Variants in RBFOX1 observed in about 807,000 individuals in gnomAD.
RBFOX1 encodes the protein RNA binding fox-1 homolog 1.
Under a neutral mutation model 57.7 loss-of-function variants are expected in RBFOX1, and 8 were observed. That is an observed-to-expected ratio of 0.14 (90% CI 0.08 to 0.25). RBFOX1 has a LOEUF of 0.25. Ranked by LOEUF, RBFOX1 falls within the 10% of genes least tolerant of loss-of-function variation. RBFOX1 has a pLI of 1.00. For missense variants in RBFOX1, 611 were observed against 548.5 expected, an observed-to-expected ratio of 1.11 and a Z score of -1.14; for synonymous variants, 326 against 222.4, an observed-to-expected ratio of 1.47 and a Z score of -4.15.
Position 6,450,859 on chromosome 16 carries a change from A to G in RBFOX1, c.-64+133802A>G, listed in dbSNP as rs1387768843. Among the ~76,000 whole-genome samples the G allele has an allele frequency of 3.6e-4, 32 of 89,626 alleles. 3 individuals are homozygous for G. The highest frequency in any genetic ancestry group is 6.2e-4 in the Non-Finnish European group (28 of 45,346). 58.8% of individuals were successfully genotyped at this position (89,626 alleles called of 152,430 possible). ...TATGTGTATATATATATATATATAT[A>G]TATATATATATATATCTCCTCTGAA... is the stretch of plus-strand genomic sequence containing the variant. On this transcript the variant is annotated intron_variant, in intron 2 of 15. Coordinates refer to ENST00000550418, the MANE Select transcript of RBFOX1 (RefSeq NM_018723.4).
Position 7,503,594 on chromosome 16 carries a change from C to G in RBFOX1, c.28-14553C>G, listed in dbSNP as rs138674190. 8.2e-3 allele frequency among the ~76,000 whole-genome samples: 1,249 copies of G among 152,252 alleles called. 6 individuals carry two copies. The highest frequency in any genetic ancestry group is 0.014 in the Admixed American group (209 of 15,294). ...ATGTGAATTTGACACTGATGTTACT[C>G]TGGTGGTAGTAGCAAGAACTTTTCC... On this transcript the variant is annotated intron_variant, in intron 4 of 15. Transcript: ENST00000550418.
intron 4 of RBFOX1, among the ~76,000 whole-genome samples, chr16:5,964,707 C>T (rs753806357): frequency 2.0e-5 from 3 of 151,556 alleles, no homozygotes; most frequent in Admixed American, 6.6e-5. Flanking sequence ...GTACATATAA[C>T]ATATACACTT....
chr16:5,329,234 A>G (rs2064675167), intron 1 of RBFOX1, among the ~76,000 whole-genome samples: 1 of 152,190 alleles, frequency 6.6e-6, no homozygotes, highest in Non-Finnish European at 1.5e-5. Flanking sequence ...TTATTAAGAA[A>G]AGAGGTTTAA....
intron 1 of RBFOX1, among the ~76,000 whole-genome samples, chr16:6,188,736 G>T (rs373852023): frequency 2.0e-4 from 31 of 152,196 alleles, no homozygotes; most frequent in Non-Finnish European, 4.3e-4. Flanking sequence ...ATGGAACACA[G>T]TAAATGGGCA....
chr16:6,762,771 G>C (rs184954464), intron 3 of RBFOX1, among the ~76,000 whole-genome samples: 36 of 152,244 alleles, frequency 2.4e-4, no homozygotes, highest in African/African-American at 8.4e-4. Context: ...AGGGGATAGG[G>C]GGTAGTCAGG....
chr16:5,409,673 G>T (rs954668067), intron 1 of RBFOX1, among the ~76,000 whole-genome samples: 1 of 152,164 alleles, frequency 6.6e-6, no homozygotes, highest in Non-Finnish European at 1.5e-5. Context: ...ATTCATTCCA[G>T]CCAGAGGAGA....
chr16:5,577,688 C>CATT (rs2046514350), intron 2 of RBFOX1, among the ~76,000 whole-genome samples: 1 of 152,164 alleles, frequency 6.6e-6, no homozygotes, highest in Non-Finnish European at 1.5e-5. Flanking sequence ...CTGTGCTGTA[C>CATT]ATTACATCAT....
chr16:6,243,302 A>G (rs115298461), intron 1 of RBFOX1, among the ~76,000 whole-genome samples: 1,927 of 152,300 alleles, frequency 0.013, 46 homozygotes, highest in African/African-American at 0.043. Flanking sequence ...GTACTTTCAA[A>G]GAATTTTAGT....
At chr16:6,543,943 A>T (rs1235219028) in intron 2 of RBFOX1, among the ~76,000 whole-genome samples, 1 of 152,212 alleles carries the variant, frequency 6.6e-6, no homozygotes, top group Non-Finnish European at 1.5e-5. Context: ...GTATAAGGGC[A>T]TTTTGCTTTT....
rs142989933 is a variant in RBFOX1, at chr16:7,113,320, T to C, written c.27+61222T>C. On this transcript the variant is annotated intron_variant, in intron 4 of 15. Transcript: ENST00000550418. ...TAGTTTTTTATCTTTTTTTGGACTT[T>C]GAGGACTTATACAATATAATGAAAA... Among the ~76,000 whole-genome samples, 380 of 152,314 alleles carry C rather than the reference T, an allele frequency of 2.5e-3. 2 individuals carry two copies. Among genetic ancestry groups the C allele is most frequent in the African/African-American group, 8.4e-3 (348 of 41,584 alleles).
intron 12 of RBFOX1, among the ~76,000 whole-genome samples, chr16:7,656,665 T>C (rs1398339940): frequency 2.0e-5 from 3 of 152,180 alleles, no homozygotes; most frequent in Non-Finnish European, 4.4e-5. Flanking sequence ...CCAGTGCAGC[T>C]CACCCTATGA....
At chr16:5,747,710 T>G (rs1282359491) in intron 3 of RBFOX1, among the ~76,000 whole-genome samples, 1 of 152,204 alleles carries the variant, frequency 6.6e-6, no homozygotes, top group Non-Finnish European at 1.5e-5. Context: ...TTCTGTGGGA[T>G]TCGTGGTGAT....
intron 2 of RBFOX1, among the ~76,000 whole-genome samples, chr16:6,651,465 C>G (rs1038222072): frequency 6.6e-6 from 1 of 152,162 alleles, no homozygotes; most frequent in Non-Finnish European, 1.5e-5. Flanking sequence ...ATTTTTCTCC[C>G]TACTTAAATT....
intron 2 of RBFOX1, among the ~76,000 whole-genome samples, chr16:5,474,329 C>T (rs574047383): frequency 6.6e-6 from 1 of 152,302 alleles, no homozygotes; most frequent in East Asian, 1.9e-4. Flanking sequence ...TTCGTTAAAG[C>T]TTAACTTGTT....
intron 2 of RBFOX1, among the ~76,000 whole-genome samples, chr16:6,545,735 T>G (rs1438517694): frequency 6.6e-6 from 1 of 152,212 alleles, no homozygotes; most frequent in African/African-American, 2.4e-5. Context: ...GAAGGGCTTA[T>G]AATGTGCATT....
intron 3 of RBFOX1, among the ~76,000 whole-genome samples, chr16:5,728,113 C>T (rs1011457300): frequency 2.6e-5 from 4 of 152,196 alleles, no homozygotes; most frequent in African/African-American, 9.7e-5. Flanking sequence ...AGTGGACATT[C>T]AAAAGAAATA....
chr16:7,239,572 A>G (rs1403426922), intron 4 of RBFOX1, among the ~76,000 whole-genome samples: 1 of 152,178 alleles, frequency 6.6e-6, no homozygotes, highest in South Asian at 2.1e-4. Flanking sequence ...TGTCAAGACC[A>G]TTTGCATGTG....
At chr16:7,208,033 T>C (rs1218663795) in intron 4 of RBFOX1, among the ~76,000 whole-genome samples, 3 of 152,192 alleles carry the variant, frequency 2.0e-5, no homozygotes, top group African/African-American at 7.2e-5. Context: ...CATGGTATCT[T>C]CTCTGGAAAA....
At chr16:6,072,200 C>G (rs1410899680) in intron 1 of RBFOX1, among the ~76,000 whole-genome samples, 1 of 152,104 alleles carries the variant, frequency 6.6e-6, no homozygotes, top group Non-Finnish European at 1.5e-5. Flanking sequence ...GTCTTATTCA[C>G]TATCAGAGAA....
Sources: gnomAD v4.1 joint callset for allele counts (sites outside exome capture counted in the v4.1 genomes callset) on GRCh38, gnomAD v4.1.1 for gene constraint, MANE v1.5 for transcripts, NCBI Gene and HGNC (gene_info 2026-07-23, HGNC 2026-07-21) for gene names.